CNTNAP2: variants seen among roughly 807,000 people sequenced by gnomAD.
CNTNAP2 encodes contactin associated protein 2.
In CNTNAP2, 98 loss-of-function variants were observed where a neutral mutation model predicts 155.2. That is an observed-to-expected ratio of 0.63 (90% CI 0.54 to 0.75). The LOEUF is 0.75. CNTNAP2 is among the 30% of genes least tolerant of loss of function. The probability of loss-of-function intolerance (pLI) is 0.00; values close to 1 mark genes in which losing one functional copy is unlikely to be tolerated. For missense variants in CNTNAP2, 1,727 were observed against 1,688.1 expected (o/e 1.02, Z -0.40); for synonymous variants, 651 against 631.2 (o/e 1.03, Z -0.47).
intron 15 of CNTNAP2, among the ~76,000 whole-genome samples, chr7:148,053,234 T>A (rs988083431): frequency 6.6e-6 from 1 of 152,226 alleles, no homozygotes; most frequent in Admixed American, 6.5e-5. Flanking sequence ...CATTTTTTTC[T>A]TGTCAGTAAG....
At chr7:148,013,204 A>G (rs1237635807) in intron 15 of CNTNAP2, 1 of 152,232 alleles carries the variant, frequency 6.6e-6, no homozygotes, top group Non-Finnish European at 1.5e-5. Flanking sequence ...ATTCAAGGTA[A>G]GAAGGTATTG....
At chr7:146,786,589 A>G (rs1490667402) in intron 2 of CNTNAP2, among the ~76,000 whole-genome samples, 1 of 152,240 alleles carries the variant, frequency 6.6e-6, no homozygotes, top group East Asian at 1.9e-4. Flanking sequence ...AAACTCAGAT[A>G]TATGCTTGAC....
chr7:146,193,497 C>G (rs998298743), intron 1 of CNTNAP2, among the ~76,000 whole-genome samples: 1 of 152,238 alleles, frequency 6.6e-6, no homozygotes, highest in African/African-American at 2.4e-5. Flanking sequence ...GGCTTGCACC[C>G]TCTGAAGCCA....
At chr7:147,256,477 G>A (rs952294320) in intron 8 of CNTNAP2, among the ~76,000 whole-genome samples, 2 of 152,176 alleles carry the variant, frequency 1.3e-5, no homozygotes, top group African/African-American at 4.8e-5. Context: ...TTAAATGTAG[G>A]AGCAGTATGC....
chr7:146,875,934 C>CAAAAAAAAAAAAAAAAAAAAAAAAA (rs56304234), intron 3 of CNTNAP2, among the ~76,000 whole-genome samples: 4 of 55,138 alleles, frequency 7.3e-5, no homozygotes, highest in Non-Finnish European at 1.0e-4. Context: ...ACATACACAG[C>CAAAAAAAAAAAAAAAAAAAAAAAAA]AAAAAAAAAA....
In CNTNAP2 at chr7:147,347,461, T is replaced by TATATATATATGCATATATATATATATGC. The variant is rs1322128631; in HGVS notation, c.1498+47181_1498+47182insGCATATATATATATATGCATATATATAT. Among the ~76,000 whole-genome samples, 77 of 62,514 alleles carry TATATATATATGCATATATATATATATGC rather than the reference T, an allele frequency of 1.2e-3. 7 individuals carry two copies. The highest frequency in any genetic ancestry group is 2.1e-3 in the South Asian group (4 of 1,912). The allele number at this position is 62,514 out of a possible 152,430, so 41.0% of individuals were successfully genotyped here. A position where few individuals can be genotyped will look rare whatever the true frequency, so the allele number is the denominator to read the frequency against. On this transcript the variant is annotated intron_variant, in intron 9 of 23. Transcript: ENST00000361727. ...ATATGCATATATATATATATGCATA[T>TATATATATATGCATATATATATATATGC]ATATATATATATATGCATATATATA...
At chr7:147,119,267 T>C (rs1801053107) in intron 5 of CNTNAP2, among the ~76,000 whole-genome samples, 1 of 152,162 alleles carries the variant, frequency 6.6e-6, no homozygotes, top group Non-Finnish European at 1.5e-5. Context: ...TATAGCAGTG[T>C]GACATTACTG....
chr7:147,827,821 G>C (rs1465883258), intron 13 of CNTNAP2, among the ~76,000 whole-genome samples: 11 of 152,094 alleles, frequency 7.2e-5, no homozygotes, highest in Admixed American at 7.2e-4. Context: ...AGCAAGTAAT[G>C]CAATGACTTC....
At chr7:146,387,208 G>A (rs1795473788) in intron 1 of CNTNAP2, among the ~76,000 whole-genome samples, 1 of 152,208 alleles carries the variant, frequency 6.6e-6, no homozygotes, top group East Asian at 1.9e-4. Context: ...TGAGGTCTGG[G>A]GCTTTTGGGC....
intron 8 of CNTNAP2, among the ~76,000 whole-genome samples, chr7:147,134,038 C>G (rs927419022): frequency 1.3e-5 from 2 of 151,946 alleles, no homozygotes; most frequent in Non-Finnish European, 2.9e-5. Context: ...AGTTGAAAAA[C>G]TCCCACATTA....
At chr7:146,929,955 A>G (rs147478705) in intron 3 of CNTNAP2, among the ~76,000 whole-genome samples, 1,532 of 152,316 alleles carry the variant, frequency 0.01, 24 homozygotes, top group African/African-American at 0.035. Flanking sequence ...GACCAAATCT[A>G]CGTCTGACTG....
At position 146,594,434 on chromosome 7, in the gene CNTNAP2, A is replaced by G. The variant is rs537561672; in HGVS notation, c.98-179837A>G. Among the ~76,000 whole-genome samples, 23 of 8,340 alleles carry G rather than the reference A, an allele frequency of 2.8e-3. No homozygotes were observed. In the South Asian group the frequency reaches 0.17, roughly 60 times the overall value. 5.5% of individuals were successfully genotyped at this position (8,340 alleles called of 152,430 possible). On this transcript the variant is annotated intron_variant, in intron 1 of 23. Coordinates refer to ENST00000361727, the MANE Select transcript of CNTNAP2 (RefSeq NM_014141.6). ...ATAACTGATTTTCTTACTAGTGTTT[A>G]CACACACACACACACACACACACTT...
chr7:146,730,790 A>C (rs572168501), intron 1 of CNTNAP2, among the ~76,000 whole-genome samples: 1 of 152,234 alleles, frequency 6.6e-6, no homozygotes, highest in East Asian at 1.9e-4. Context: ...TTTACTTGTC[A>C]TCCTTGTTTT....
chr7:146,331,214 G>A (rs1801180014), intron 1 of CNTNAP2, among the ~76,000 whole-genome samples: 1 of 149,922 alleles, frequency 6.7e-6, no homozygotes, highest in East Asian at 2.0e-4. Flanking sequence ...TGAGGCAGGA[G>A]AATGGCGTGA....
chr7:146,730,993 T>C (rs1801516197), intron 1 of CNTNAP2, among the ~76,000 whole-genome samples: 1 of 152,226 alleles, frequency 6.6e-6, no homozygotes, highest in Admixed American at 6.5e-5. Context: ...GCCTAGTGTT[T>C]ATTGTGTTCA....
chr7:148,240,407 G>C (rs59934896), intron 20 of CNTNAP2, among the ~76,000 whole-genome samples: 1 of 151,790 alleles, frequency 6.6e-6, no homozygotes, highest in African/African-American at 2.4e-5. Context: ...TAATAAAAAG[G>C]GTATCCAGCA....
chr7:148,013,077 G>A (rs1424858563), intron 15 of CNTNAP2: 1 of 152,200 alleles, frequency 6.6e-6, no homozygotes, highest in East Asian at 1.9e-4. Flanking sequence ...GGTGTTCACA[G>A]TGCTGAAATT....
chr7:147,785,580 G>T (rs1051347065), intron 13 of CNTNAP2, among the ~76,000 whole-genome samples: 1 of 152,154 alleles, frequency 6.6e-6, no homozygotes, highest in African/African-American at 2.4e-5. Flanking sequence ...ATAAGAGTTG[G>T]GGATGCTTGA....
rs376099994 is a variant in CNTNAP2 at position 148,284,902 on chromosome 7, A to G, written c.3475+17776A>G. Reference sequence around the variant, plus strand: ...TAACAGAAGAAGCAGATTTGGCCCAATAAGTCTATGCTTTGAATGTTCCTC... The same window carrying G: ...TAACAGAAGAAGCAGATTTGGCCCAGTAAGTCTATGCTTTGAATGTTCCTC... On this transcript the variant is annotated intron_variant, in intron 21 of 23. Transcript: ENST00000361727. Among the ~76,000 whole-genome samples, 112 of 152,360 alleles carry G rather than the reference A, an allele frequency of 7.4e-4. 3 individuals are homozygous for G. In the South Asian group the frequency reaches 0.021, roughly 29 times the overall value.
Sources: gnomAD v4.1 joint callset for allele counts (sites outside exome capture counted in the v4.1 genomes callset) on GRCh38, gnomAD v4.1.1 for gene constraint, MANE v1.5 for transcripts, NCBI Gene and HGNC (gene_info 2026-07-23, HGNC 2026-07-21) for gene names.